The following STPG3 variants were observed in gnomAD, a reference collection of about 807,000 sequenced individuals.
The protein encoded by STPG3 is protein STPG3.
In STPG3, 39 loss-of-function variants were observed where a neutral mutation model predicts 32.5. The observed-to-expected ratio is 1.20, with a 90% CI of 0.93 to 1.57. The LOEUF is 1.57. Among genes scored for constraint, STPG3 ranks in the 40% most tolerant of loss-of-function variants. STPG3 has a pLI of 0.00. For missense variants in STPG3, 507 were observed against 407.6 expected (o/e 1.24, Z -2.10); for synonymous variants, 209 against 172.4 (o/e 1.21, Z -1.66).
rs901672725 is a variant in STPG3, at chr9:137,253,471, T to C, written c.*226T>C. 2.8e-6 allele frequency: 4 copies of C among 1,432,630 alleles called. No individual in the cohort carries two copies. The African/African-American group carries it at 4.3e-5, about 15-fold the overall frequency. 88.7% of individuals were successfully genotyped at this position (1,432,630 alleles called of 1,614,324 possible). ...ATCTCCCCGCTACACTGAGATGCTG[T>C]TGGTTTTCCCGAGCTCTGTGGTGTG... On this transcript the variant is annotated 3_prime_UTR_variant, in exon 6 of 6. Coordinates refer to ENST00000412566, the MANE Select transcript of STPG3 (RefSeq NM_001004353.4).
Position 137,252,739 on chromosome 9 carries a change from T to C in STPG3, c.570T>C (p.Ala190=), listed in dbSNP as rs1322075865. The C allele has an allele frequency of 1.9e-6, 3 of 1,557,330 alleles. No individual in the cohort carries two copies. The highest frequency in any genetic ancestry group is 3.9e-5 in the Admixed American group (2 of 51,864). ...PAFSFRGCHS[A]SKTPEGHTHL... is the part of the protein sequence containing the mutation. The stretch of plus-strand genomic sequence containing the variant: ...TCAGCTTCAGAGGCTGCCACTCCGC[T>C]TCCAAGACACCTGAAGGCCACACCC... The change falls in exon 5 of 6, where the codon GCT becomes GCC. Residue 190 remains alanine (A), a synonymous_variant. Coordinates refer to ENST00000412566, the MANE Select transcript of STPG3 (RefSeq NM_001004353.4).
At position 137,253,182 on chromosome 9, in the gene STPG3, C is replaced by T. The variant is rs1419203658; in HGVS notation, c.864C>T (p.Gly288=). 4.4e-6 allele frequency: 7 copies of T among 1,605,990 alleles called. No individual in the cohort carries two copies. In the South Asian group the frequency reaches 5.5e-5, roughly 13 times the overall value. ...DCNSRFPSAP[G]VVIQGVRRPK... Reference sequence around the variant, plus strand: ...ACTCACGCTTCCCTTCGGCGCCTGGCGTGGTCATCCAGGGTGTACGCAGAC... The same window carrying T: ...ACTCACGCTTCCCTTCGGCGCCTGGTGTGGTCATCCAGGGTGTACGCAGAC... Residue 288 remains glycine, a synonymous_variant, in exon 6 of 6, where the codon GGC becomes GGT. Transcript: ENST00000412566.
Position 137,251,859 on chromosome 9 carries a change from T to C in STPG3, c.232T>C (p.Ser78Pro). The change falls in exon 2 of 6, where the codon TCC becomes CCC. Residue 78 changes from serine to proline, a missense_variant. Transcript: ENST00000412566. ...LRLQTGTPQE[S>P]LPTYTQTLRE... ...GTTACAGACGGGCACCCCCCAGGAG[T>C]CCCTGCCCACCTACACCCAGACCCT... 6.2e-7 allele frequency: 1 copy of C among 1,607,850 alleles called. No individual in the cohort carries two copies. Among genetic ancestry groups the C allele is most frequent in the Non-Finnish European group, 8.5e-7 (1 of 1,177,372 alleles).
In STPG3 at chr9:137,252,094, C is replaced by G; in HGVS notation, c.362C>G (p.Pro121Arg). ...VPSPSVRESSPHPHYSIGCKH... is the reference protein window; with the variant it reads ...VPSPSVRESSRHPHYSIGCKH... ...AGCCCGTCCGTACGAGAGTCCTCCC[C>G]ACACCCCCACTACAGCATCGGCTGC... The change falls in exon 3 of 6, where the codon CCA becomes CGA. Residue 121 changes from proline (P) to arginine (R), a missense_variant. Transcript: ENST00000412566. 2 of 1,612,654 alleles carry G rather than the reference C, an allele frequency of 1.2e-6. No individual in the cohort carries two copies. The highest frequency in any genetic ancestry group is 1.7e-6 in the Non-Finnish European group (2 of 1,179,762).
Position 137,251,885 on chromosome 9 carries a change from G to A in STPG3, c.258G>A (p.Leu86=). 6.2e-7 allele frequency: 1 copy of A among 1,608,038 alleles called. No individual in the cohort carries two copies. Among genetic ancestry groups the A allele is most frequent in the African/African-American group, 1.3e-5 (1 of 74,894 alleles). ...QESLPTYTQT[L]RELLLEQRPL... ...CCCTGCCCACCTACACCCAGACCCT[G>A]AGGGAACTATGTGAGTGAGGGTCCT... The change falls in exon 2 of 6, where the codon CTG becomes CTA. Residue 86 remains leucine (L), a synonymous_variant. Coordinates refer to ENST00000412566, the MANE Select transcript of STPG3 (RefSeq NM_001004353.4).
In STPG3 at chr9:137,251,912, G is replaced by A; in HGVS notation, c.268+17G>A. ...GGGAACTATGTGAGTGAGGGTCCTG[G>A]CCACCCCACCCCCAAGCTGGTCTTT... On this transcript the variant is annotated intron_variant, in intron 2 of 5. Coordinates refer to ENST00000412566, the MANE Select transcript of STPG3 (RefSeq NM_001004353.4). The A allele has an allele frequency of 6.2e-7, 1 of 1,602,886 alleles. No individual in the cohort carries two copies.
chr9:137,251,458 C>A, intron 1 of STPG3, 62 bp downstream of exon 1: 1 of 1,286,666 alleles, frequency 7.8e-7, no homozygotes, highest in Non-Finnish European at 1.1e-6. Flanking sequence ...GGCTGAGGGA[C>A]AGTGTGGGGG....
At position 137,252,524 on chromosome 9, in the gene STPG3, A is replaced by G. The variant is rs1588879472; in HGVS notation, c.491A>G (p.Lys164Arg). 9.6e-7 allele frequency: 1 copy of G among 1,042,712 alleles called. No homozygotes were observed. The highest frequency in any genetic ancestry group is 2.4e-5 in the African/African-American group (1 of 41,902). 64.6% of individuals were successfully genotyped at this position (1,042,712 alleles called of 1,614,324 possible). A position where few individuals can be genotyped will look rare whatever the true frequency, so the allele number is the denominator to read the frequency against. Residue 164 changes from lysine to arginine, a missense_variant and splice_region_variant, in exon 4 of 6, where the codon AAG becomes AGG. Lys to Arg is a conservative substitution (Grantham distance 26, BLOSUM62 2). Transcript: ENST00000412566. ...AAAGCTGACTTCGACCAAGAGCAAAAGGTTGGGGGCTGGGCAGGAAGGGGG... is the reference window on the plus strand; with the variant it reads ...AAAGCTGACTTCGACCAAGAGCAAAGGGTTGGGGGCTGGGCAGGAAGGGGG... ...TQKADFDQEQ[K>R]WPSPAHYQLL... is the part of the protein sequence containing the mutation.
rs762529777 is a variant in STPG3, at chr9:137,252,925, G to A, written c.756G>A (p.Ser252=). Residue 252 remains serine, a synonymous_variant, in exon 5 of 6, where the codon TCG becomes TCA. Coordinates refer to ENST00000412566, the MANE Select transcript of STPG3 (RefSeq NM_001004353.4). ...RLQSPRSPAF[S]MSRSPAFTSW... is the part of the protein sequence containing the mutation. ...AGAGCCCCCGCTCGCCGGCCTTCTC[G>A]ATGAGCCGCTCCCCTGCGTTCACCT... The A allele has an allele frequency of 1.9e-5, 30 of 1,600,270 alleles. No individual in the cohort carries two copies. The highest frequency in any genetic ancestry group is 5.6e-5 in the South Asian group (5 of 88,932).
chr9:137,252,156 G>T, intron 3 of STPG3, 21 bp downstream of exon 3: 1 of 1,595,970 alleles, frequency 6.3e-7, no homozygotes, highest in South Asian at 1.1e-5. Flanking sequence ...CCTCCCTGAG[G>T]CCCAACCACC....
At chr9:137,252,282 G>A in intron 3 of STPG3, 147 bp downstream of exon 3, 3 of 1,346,392 alleles carry the variant, frequency 2.2e-6, no homozygotes, top group South Asian at 2.8e-5. Context: ...CCTGTAAGGA[G>A]GCCTGGAGAG....
rs570182357 is a variant in STPG3, at chr9:137,253,302, C to T, written c.*57C>T. 4.6e-5 allele frequency: 72 copies of T among 1,563,758 alleles called. No homozygotes were observed. Among genetic ancestry groups the T allele is most frequent in the African/African-American group, 6.8e-5 (5 of 73,704 alleles). On this transcript the variant is annotated 3_prime_UTR_variant, in exon 6 of 6. Coordinates refer to ENST00000412566, the MANE Select transcript of STPG3 (RefSeq NM_001004353.4). ...CACCGAGTGGAACCATGGCCTCCCC[C>T]GGGGCTTTCCCAGGCCTCCCCTGGG...
Position 137,252,973 on chromosome 9 carries a change from G to T in STPG3, c.796+8G>T. On this transcript the variant is annotated splice_region_variant and intron_variant, in intron 5 of 5. Transcript: ENST00000412566. ...CCTCCTGGCTCAGCACCTGTAAGGA[G>T]GCCTGGAGAGAAGAGGGCTAGGGAT... is the stretch of plus-strand genomic sequence containing the variant. The T allele has an allele frequency of 6.3e-7, 1 of 1,589,916 alleles. No homozygotes were observed. Among genetic ancestry groups the T allele is most frequent in the Non-Finnish European group, 8.6e-7 (1 of 1,167,242 alleles).
At chr9:137,252,639 G>GT (rs1356928616) in intron 4 of STPG3, 23 bp from the exon 5 acceptor site, 19 of 1,450,440 alleles carry the variant, frequency 1.3e-5, no homozygotes, top group Non-Finnish European at 1.7e-5. Flanking sequence ...CTGCCCTGCA[G>GT]CCCGTCTCCT....
In STPG3 at chr9:137,252,816, C is replaced by T. The variant is rs1335712489; in HGVS notation, c.647C>T (p.Ser216Phe). Reference protein sequence around the residue: ...RGLGLRVQPQSLLQASLQAPG... With the variant: ...RGLGLRVQPQFLLQASLQAPG... ...CTGGGCCTCAGGGTGCAGCCCCAGTCCCTGCTTCAGGCCTCTTTGCAGGCA... is the reference window on the plus strand; with the variant it reads ...CTGGGCCTCAGGGTGCAGCCCCAGTTCCTGCTTCAGGCCTCTTTGCAGGCA... The change falls in exon 5 of 6, where the codon TCC (serine) becomes TTC (phenylalanine). Residue 216 changes from serine to phenylalanine, a missense_variant. By Grantham distance (155) the Ser-to-Phe change is radical. Transcript: ENST00000412566. 6.4e-7 allele frequency: 1 copy of T among 1,567,756 alleles called. No homozygotes were observed.
Position 137,253,380 on chromosome 9 carries a change from T to A in STPG3, c.*135T>A. The A allele has an allele frequency of 6.6e-7, 1 of 1,515,708 alleles. No homozygotes were observed. The highest frequency in any genetic ancestry group is 1.2e-5 in the South Asian group (1 of 81,896). 93.9% of individuals were successfully genotyped at this position (1,515,708 alleles called of 1,614,324 possible). On this transcript the variant is annotated 3_prime_UTR_variant, in exon 6 of 6. Transcript: ENST00000412566. Reference sequence around the variant, plus strand: ...CCCTCTGGGCACCCCGATGCACCCTTCTGGCTGGCCAACCCTTCTATGGGC... The same window carrying A: ...CCCTCTGGGCACCCCGATGCACCCTACTGGCTGGCCAACCCTTCTATGGGC...
At position 137,251,827 on chromosome 9, in the gene STPG3, G is replaced by C. The variant is rs756921591; in HGVS notation, c.200G>C (p.Gly67Ala). 3 of 1,605,794 alleles carry C rather than the reference G, an allele frequency of 1.9e-6. No individual in the cohort carries two copies. Among genetic ancestry groups the C allele is most frequent in the Non-Finnish European group, 2.6e-6 (3 of 1,176,234 alleles). ...CCAAAGATGAAGGAGATCCCAGTTGGCCTCAGGTTACAGACGGGCACCCCC... is the reference window on the plus strand; with the variant it reads ...CCAAAGATGAAGGAGATCCCAGTTGCCCTCAGGTTACAGACGGGCACCCCC... ...QPPKMKEIPV[G>A]LRLQTGTPQE... Residue 67 changes from glycine (G) to alanine (A), a missense_variant, in exon 2 of 6, where the codon GGC (glycine) becomes GCC (alanine). By Grantham distance (60) the Gly-to-Ala change is moderately conservative. Transcript: ENST00000412566.
chr9:137,251,420 G>C (rs751901786), intron 1 of STPG3, 24 bp downstream of exon 1: 3 of 1,567,208 alleles, frequency 1.9e-6, no homozygotes, highest in Non-Finnish European at 2.6e-6. Context: ...AGGGGGAGAA[G>C]GGGCGGGCCA....
rs1319264332 is a variant in STPG3, at chr9:137,253,356, C to T, written c.*111C>T. Reference sequence around the variant, plus strand: ...TGGGGCCCCAGCCTGGCCTTCTGACCCTCTGGGCACCCCGATGCACCCTTC... The same window carrying T: ...TGGGGCCCCAGCCTGGCCTTCTGACTCTCTGGGCACCCCGATGCACCCTTC... On this transcript the variant is annotated 3_prime_UTR_variant, in exon 6 of 6. Coordinates refer to ENST00000412566, the MANE Select transcript of STPG3 (RefSeq NM_001004353.4). 3 of 1,541,876 alleles carry T rather than the reference C, an allele frequency of 1.9e-6. No homozygotes were observed. The highest frequency in any genetic ancestry group is 2.7e-5 in the African/African-American group (2 of 72,924).
Sources: gnomAD v4.1 joint callset for allele counts on GRCh38, gnomAD v4.1.1 for gene constraint, MANE v1.5 for transcripts, NCBI Gene and HGNC (gene_info 2026-07-23, HGNC 2026-07-21) for gene names.